The following FAM114A1 variants were observed in gnomAD, a reference collection of about 807,000 sequenced individuals.
FAM114A1 encodes family with sequence similarity 114 member A1.
FAM114A1 carries 62 observed loss-of-function variants against 64.3 expected under a neutral mutation model. The ratio of observed to expected loss-of-function variants is 0.96; its 90% CI spans 0.79 to 1.19. The LOEUF (loss-of-function observed/expected upper bound fraction) is 1.19. Ranked by LOEUF, FAM114A1 falls within the 50% of genes most tolerant of loss-of-function variation. The pLI, the probability that FAM114A1 is intolerant of heterozygous loss-of-function variation, is 0.00. For missense variants in FAM114A1, 645 were observed against 676.3 expected, an observed-to-expected ratio of 0.95 and a Z score of 0.51; for synonymous variants, 254 against 251.1, an observed-to-expected ratio of 1.01 and a Z score of -0.11.
chr4:38,882,175 G>A lies in FAM114A1; in HGVS notation c.348+3749G>A, dbSNP rs1033858421. Reference sequence around the variant, plus strand: ...AAAATACAAAAAATTAGCCGGGCGCGGTGGTGGGCGCCTGTAGTCCCAGCT... The same window carrying A: ...AAAATACAAAAAATTAGCCGGGCGCAGTGGTGGGCGCCTGTAGTCCCAGCT... On this transcript the variant is annotated intron_variant, in intron 3 of 14. Coordinates refer to ENST00000358869, the MANE Select transcript of FAM114A1 (RefSeq NM_138389.4). 1.4e-4 allele frequency among the ~76,000 whole-genome samples: 21 copies of A among 146,974 alleles called. No individual in the cohort carries two copies. The South Asian group carries it at 1.7e-3, about 12-fold the overall frequency.
At chr4:38,878,645 C>T (rs1431801898) in intron 3 of FAM114A1, among the ~76,000 whole-genome samples, 1 of 152,120 alleles carries the variant, frequency 6.6e-6, no homozygotes, top group East Asian at 1.9e-4. Context: ...TAACAGCCAC[C>T]AATTATCAGA....
At chr4:38,916,633 G>T (rs552472786) in intron 8 of FAM114A1, among the ~76,000 whole-genome samples, 13 of 152,182 alleles carry the variant, frequency 8.5e-5, no homozygotes, top group African/African-American at 3.1e-4. Flanking sequence ...CACAGGGAGG[G>T]GAACATCACA....
chr4:38,932,766 C>T (rs544380487), intron 12 of FAM114A1, among the ~76,000 whole-genome samples: 8 of 151,970 alleles, frequency 5.3e-5, no homozygotes, highest in Admixed American at 1.3e-4. Flanking sequence ...TAAAGTGCTA[C>T]GATTACAGGC....
chr4:38,941,060 G>A (rs898603970), intron 14 of FAM114A1, 39 bp downstream of exon 14: 5 of 1,505,548 alleles, frequency 3.3e-6, no homozygotes, highest in Middle Eastern at 3.4e-4. Flanking sequence ...CTGAATCAAA[G>A]TAAATGTTAG....
Position 38,923,995 on chromosome 4 carries a change from A to G in FAM114A1, c.1069+1102A>G, listed in dbSNP as rs560096221. ...CCACCGACCCACAGTTGTTTTGTGTAGGTTATGCTGAAAGGTCAGACAACC... is the reference window on the plus strand; with the variant it reads ...CCACCGACCCACAGTTGTTTTGTGTGGGTTATGCTGAAAGGTCAGACAACC... On this transcript the variant is annotated intron_variant, in intron 9 of 14. Transcript: ENST00000358869. Among the ~76,000 whole-genome samples, 43 of 152,330 alleles carry G rather than the reference A, an allele frequency of 2.8e-4. 1 individual carries two copies. The South Asian group carries it at 8.5e-3, about 30-fold the overall frequency.
Position 38,878,070 on chromosome 4 carries a change from G to C in FAM114A1, c.-8-1G>C, listed in dbSNP as rs1714833360. The C allele has an allele frequency of 2.5e-6, 4 of 1,590,814 alleles. No homozygotes were observed. Among genetic ancestry groups the C allele is most frequent in the Non-Finnish European group, 3.4e-6 (4 of 1,165,966 alleles). On this transcript the variant is annotated splice_acceptor_variant, in intron 2 of 14. Transcript: ENST00000358869. LOFTEE classifies it low-confidence loss of function (5UTR_SPLICE). ...TGAGGTGTTTATAATTGTGTTGACA[G>C]ATACTAAAATGTCTGATGATGCTGG... is the stretch of plus-strand genomic sequence containing the variant.
chr4:38,935,069 C>T (rs1720966881), intron 12 of FAM114A1, among the ~76,000 whole-genome samples: 1 of 152,072 alleles, frequency 6.6e-6, no homozygotes, highest in South Asian at 2.1e-4. Context: ...CGCCTGCCAC[C>T]ACGCCCAGCT....
chr4:38,885,970 C>G (rs1223251580), intron 3 of FAM114A1, among the ~76,000 whole-genome samples: 4 of 152,074 alleles, frequency 2.6e-5, no homozygotes, highest in African/African-American at 9.7e-5. Flanking sequence ...CAGAATAGAA[C>G]ACTCTAAGGC....
intron 9 of FAM114A1, among the ~76,000 whole-genome samples, chr4:38,927,792 TCCTG>T (rs1018623136): frequency 2.0e-5 from 3 of 152,218 alleles, no homozygotes; most frequent in African/African-American, 7.2e-5. Flanking sequence ...CAAGTGATTC[TCCTG>T]CCTCAGCCTC....
intron 4 of FAM114A1, 126 bp from the exon 5 acceptor site, chr4:38,905,396 C>CTT: frequency 1.5e-6 from 1 of 661,762 alleles, no homozygotes; most frequent in Non-Finnish European, 2.5e-6. Context: ...AAGACTCCAT[C>CTT]TTTTAAAAAA....
chr4:38,943,823 A>C lies in FAM114A1; in HGVS notation c.*266A>C, dbSNP rs1171035303. ...ATATTGAAAATTTCCTTTCATCTGA[A>C]ATTTATTTACAAATATTCGTGTTCA... On this transcript the variant is annotated 3_prime_UTR_variant, in exon 15 of 15. Transcript: ENST00000358869. The C allele has an allele frequency of 6.4e-6, 2 of 310,512 alleles. No homozygotes were observed. Among genetic ancestry groups the C allele is most frequent in the South Asian group, 5.4e-5 (1 of 18,612 alleles). 19.2% of individuals were successfully genotyped at this position (310,512 alleles called of 1,614,324 possible). A position where few individuals can be genotyped will look rare whatever the true frequency, so the allele number is the denominator to read the frequency against.
rs992821295 is a variant in FAM114A1, at chr4:38,882,205, G to A, written c.348+3779G>A. Among the ~76,000 whole-genome samples, 10 of 144,896 alleles carry A rather than the reference G, an allele frequency of 6.9e-5. 1 individual carries two copies. Among genetic ancestry groups the A allele is most frequent in the Admixed American group, 2.7e-4 (4 of 14,690 alleles). Reference sequence around the variant, plus strand: ...TGGGCGCCTGTAGTCCCAGCTACTCGGGAGGCTGAGGCAGGAGAATGGCGT... The same window carrying A: ...TGGGCGCCTGTAGTCCCAGCTACTCAGGAGGCTGAGGCAGGAGAATGGCGT... On this transcript the variant is annotated intron_variant, in intron 3 of 14. Transcript: ENST00000358869.
intron 8 of FAM114A1, among the ~76,000 whole-genome samples, chr4:38,920,294 A>G (rs932628507): frequency 2.0e-5 from 3 of 152,176 alleles, no homozygotes; most frequent in African/African-American, 7.2e-5. Context: ...TCACAATGGC[A>G]GCACACACCT....
intron 9 of FAM114A1, among the ~76,000 whole-genome samples, chr4:38,927,731 T>C (rs897668191): frequency 6.6e-6 from 1 of 152,226 alleles, no homozygotes; most frequent in African/African-American, 2.4e-5. Flanking sequence ...TCACCCAGGC[T>C]AGAGTGCAGT....
chr4:38,882,109 G>A (rs1484698353), intron 3 of FAM114A1, among the ~76,000 whole-genome samples: 3 of 149,814 alleles, frequency 2.0e-5, no homozygotes, highest in African/African-American at 7.4e-5. Flanking sequence ...TCAGGAGATC[G>A]AGACCATCCT....
intron 9 of FAM114A1, 85 bp from the exon 10 acceptor site, chr4:38,929,157 G>C (rs887769299): frequency 9.5e-7 from 1 of 1,053,310 alleles, no homozygotes; most frequent in Non-Finnish European, 1.5e-6. Context: ...GTCTACCCCA[G>C]CTGCAGGCTG....
At chr4:38,878,048 G>A in intron 2 of FAM114A1, 23 bp from the exon 3 acceptor site, 1 of 1,533,780 alleles carries the variant, frequency 6.5e-7, no homozygotes, top group Non-Finnish European at 8.9e-7. Flanking sequence ...GAAAGCATGA[G>A]GTGTTTATAA....
chr4:38,879,623 C>T (rs56069076), intron 3 of FAM114A1, among the ~76,000 whole-genome samples: 42,188 of 151,938 alleles, frequency 0.28, 6,210 homozygotes, highest in African/African-American at 0.32. Context: ...TGTTTCCCTT[C>T]ACTGGAAGTG....
At chr4:38,933,971 G>A (rs780807983) in intron 12 of FAM114A1, among the ~76,000 whole-genome samples, 6 of 152,134 alleles carry the variant, frequency 3.9e-5, no homozygotes, top group South Asian at 4.1e-4. Flanking sequence ...GTAAAGATCC[G>A]TCATCTAGTC....
Sources: allele counts gnomAD v4.1 joint callset (sites outside exome capture counted in the v4.1 genomes callset), GRCh38; gene constraint gnomAD v4.1.1; transcripts MANE v1.5; gene names NCBI Gene and HGNC (gene_info 2026-07-23, HGNC 2026-07-21).